The following PPA2 variants were observed in gnomAD, a reference collection of about 807,000 sequenced individuals.
PPA2 encodes inorganic pyrophosphatase 2.
In PPA2, 48 loss-of-function variants were observed where a neutral mutation model predicts 49.5. That is an observed-to-expected ratio of 0.97 (90% CI 0.77 to 1.23). The LOEUF is 1.23. Among genes scored for constraint, PPA2 ranks in the 50% most tolerant of loss-of-function variants. The pLI is 0.00. For missense variants in PPA2, 429 were observed against 410.1 expected, an observed-to-expected ratio of 1.05 and a Z score of -0.40; for synonymous variants, 131 against 139.9, an observed-to-expected ratio of 0.94 and a Z score of 0.45.
chr4:105,453,613 T>A lies in PPA2; in HGVS notation c.252A>T (p.Arg84=), dbSNP rs751873011. ...TTGGATATACCTCATATTCATCATT[T>A]CGTGCTTTCTTCATAGGAATGCCAT... ...EENGIPMKKA[R]NDEYENLFNM... The change falls in exon 3 of 12, where the codon CGA becomes CGT. Residue 84 remains arginine (R), a synonymous_variant. Coordinates refer to ENST00000341695, the MANE Select transcript of PPA2 (RefSeq NM_176869.3). The A allele has an allele frequency of 6.2e-7, 1 of 1,606,562 alleles. No individual in the cohort carries two copies. The highest frequency in any genetic ancestry group is 2.2e-5 in the East Asian group (1 of 44,758).
At chr4:105,453,293 T>C (rs558464971) in intron 3 of PPA2, among the ~76,000 whole-genome samples, 193 of 152,224 alleles carry the variant, frequency 1.3e-3, no homozygotes, top group African/African-American at 4.6e-3. Context: ...CAGCTTGGGA[T>C]GGTGAAAAAG....
chr4:105,471,560 A>G (rs1723524168), intron 1 of PPA2, among the ~76,000 whole-genome samples: 2 of 152,204 alleles, frequency 1.3e-5, no homozygotes, highest in Non-Finnish European at 2.9e-5. Context: ...CAAGTATACT[A>G]CACTCATATT....
intron 4 of PPA2, chr4:105,448,031 C>G (rs1288685359): frequency 5.3e-6 from 2 of 375,706 alleles, no homozygotes; most frequent in African/African-American, 4.3e-5. Context: ...CAGGTGTTAG[C>G]CACTGCACTC....
rs187615557 is a variant in PPA2 at position 105,439,274 on chromosome 4, T to C, written c.442-1238A>G. Among the ~76,000 whole-genome samples the C allele has an allele frequency of 1.6e-3, 237 of 152,334 alleles. 1 individual carries two copies. The highest frequency in any genetic ancestry group is 3.0e-3 in the Non-Finnish European group (206 of 68,032). Reference sequence around the variant, plus strand: ...CTTGCACAAACTCATGGTTTCTATATGGTAAAGATTGTATTAGAACTCATG... The same window carrying C: ...CTTGCACAAACTCATGGTTTCTATACGGTAAAGATTGTATTAGAACTCATG... On this transcript the variant is annotated intron_variant, in intron 5 of 11. Coordinates refer to ENST00000341695, the MANE Select transcript of PPA2 (RefSeq NM_176869.3).
intron 7 of PPA2, among the ~76,000 whole-genome samples, chr4:105,409,284 GC>G (rs913482167): frequency 1.2e-4 from 18 of 152,234 alleles, no homozygotes; most frequent in African/African-American, 4.1e-4. Context: ...CACCCACGGA[GC>G]CTTGTTCACT....
intron 9 of PPA2, among the ~76,000 whole-genome samples, chr4:105,391,262 G>C (rs1046587226): frequency 6.7e-6 from 1 of 148,832 alleles, no homozygotes; most frequent in Non-Finnish European, 1.5e-5. Flanking sequence ...TGGGTTGATG[G>C]GTGCAGCAAA....
chr4:105,396,900 C>T (rs1734172172), intron 8 of PPA2, among the ~76,000 whole-genome samples: 1 of 152,146 alleles, frequency 6.6e-6, no homozygotes, highest in South Asian at 2.1e-4. Flanking sequence ...ATCAAAACTG[C>T]AGGCAGTCTA....
intron 10 of PPA2, among the ~76,000 whole-genome samples, chr4:105,385,656 A>C (rs1469978490): frequency 1.3e-5 from 2 of 152,000 alleles, no homozygotes; most frequent in South Asian, 2.1e-4. Flanking sequence ...TCTGAATATA[A>C]ATTTTCTAAT....
chr4:105,381,139 A>C (rs1044352036), intron 10 of PPA2, among the ~76,000 whole-genome samples: 2 of 152,094 alleles, frequency 1.3e-5, no homozygotes, highest in Non-Finnish European at 2.9e-5. Context: ...ATTACAAGTA[A>C]GATAAAGCAA....
chr4:105,406,253 CA>C (rs1180624938), intron 7 of PPA2, among the ~76,000 whole-genome samples: 1 of 151,306 alleles, frequency 6.6e-6, no homozygotes, highest in Non-Finnish European at 1.5e-5. Context: ...AGAAATTATC[CA>C]GTCTAAATAA....
chr4:105,393,859 A>AT (rs1734026516), intron 9 of PPA2, among the ~76,000 whole-genome samples: 1 of 152,180 alleles, frequency 6.6e-6, no homozygotes, highest in Non-Finnish European at 1.5e-5. Flanking sequence ...GGCAAAAGAA[A>AT]TAAAAACTAA....
chr4:105,381,879 A>G (rs1044241817), intron 10 of PPA2, among the ~76,000 whole-genome samples: 1 of 151,972 alleles, frequency 6.6e-6, no homozygotes, highest in African/African-American at 2.4e-5. Context: ...TCTACTCTTT[A>G]TAATTTTCTT....
intron 1 of PPA2, among the ~76,000 whole-genome samples, chr4:105,458,207 A>T (rs1722943959): frequency 6.6e-6 from 1 of 152,350 alleles, no homozygotes; most frequent in East Asian, 1.9e-4. Context: ...GTTAGACAGT[A>T]AGGAAATATG....
intron 7 of PPA2, among the ~76,000 whole-genome samples, chr4:105,402,510 A>G (rs1722258139): frequency 6.6e-6 from 1 of 152,184 alleles, no homozygotes; most frequent in African/African-American, 2.4e-5. Flanking sequence ...CTTCTGAACT[A>G]AGGGTGTGCT....
intron 6 of PPA2, among the ~76,000 whole-genome samples, chr4:105,430,826 A>T (rs1172370581): frequency 6.6e-6 from 1 of 152,206 alleles, no homozygotes; most frequent in Admixed American, 6.5e-5. Flanking sequence ...CCAAACAGAC[A>T]CTGTGTGATG....
Position 105,398,185 on chromosome 4 carries a change from A to C in PPA2, c.783+852T>G, listed in dbSNP as rs528292843. ...TTAAAATTTCAATTATCTCAATAATAAAATGAAAATTTTTAAAAGAAAAAT... is the reference window on the plus strand; with the variant it reads ...TTAAAATTTCAATTATCTCAATAATCAAATGAAAATTTTTAAAAGAAAAAT... On this transcript the variant is annotated intron_variant, in intron 8 of 11. Coordinates refer to ENST00000341695, the MANE Select transcript of PPA2 (RefSeq NM_176869.3). The C allele has an allele frequency of 9.9e-5, 15 of 152,180 alleles. No individual in the cohort carries two copies. In the East Asian group the frequency reaches 2.7e-3, roughly 27 times the overall value. 9.4% of individuals were successfully genotyped at this position (152,180 alleles called of 1,614,324 possible).
In PPA2 at chr4:105,450,898, C is replaced by T. The variant is rs553639666; in HGVS notation, c.268-1495G>A. ...CTGGGATTACAGGCGTGAGCCACCG[C>T]GCCCTGCCAACACTTTTCTAACGAT... On this transcript the variant is annotated intron_variant, in intron 3 of 11. Coordinates refer to ENST00000341695, the MANE Select transcript of PPA2 (RefSeq NM_176869.3). 1.6e-4 allele frequency among the ~76,000 whole-genome samples: 25 copies of T among 152,258 alleles called. 1 individual carries two copies. The highest frequency in any genetic ancestry group is 3.4e-3 in the Middle Eastern group (1 of 294).
At chr4:105,373,061 A>C (rs1733092310) in intron 10 of PPA2, among the ~76,000 whole-genome samples, 1 of 152,110 alleles carries the variant, frequency 6.6e-6, no homozygotes, top group Non-Finnish European at 1.5e-5. Context: ...CTGGTCTTGA[A>C]CTTCTGGGCT....
At chr4:105,405,756 A>T in intron 7 of PPA2, 1 of 657,192 alleles carries the variant, frequency 1.5e-6, no homozygotes, top group South Asian at 1.6e-5. Flanking sequence ...CATCAAAAAG[A>T]CTCAAAAACA....
Sources: allele counts gnomAD v4.1 joint callset (sites outside exome capture counted in the v4.1 genomes callset), GRCh38; gene constraint gnomAD v4.1.1; transcripts MANE v1.5; gene names NCBI Gene and HGNC (gene_info 2026-07-23, HGNC 2026-07-21).